The following MYO19 variants were observed in gnomAD, a reference collection of about 807,000 sequenced individuals.
The protein encoded by MYO19 is myosin XIX.
In MYO19, 132 loss-of-function variants were observed where a neutral mutation model predicts 129.2. The ratio of observed to expected loss-of-function variants is 1.02; its 90% CI spans 0.89 to 1.18. MYO19 has a LOEUF of 1.18. Ranked by LOEUF, MYO19 falls within the 50% of genes most tolerant of loss-of-function variation. The probability of loss-of-function intolerance (pLI) is 0.00; values close to 1 mark genes in which losing one functional copy is unlikely to be tolerated. For synonymous variants in MYO19, 531 were observed against 477.2 expected (o/e 1.11, Z -1.47); for missense variants, 1,210 against 1,216.7 (o/e 0.99, Z 0.08).
chr17:36,512,807 T>C, intron 11 of MYO19: 1 of 1,278,004 alleles, frequency 7.8e-7, no homozygotes, highest in Non-Finnish European at 1.0e-6. Context: ...TGAGAGGAGG[T>C]AGTCAGCTCT....
chr17:36,534,712 C>G (rs2142564381), intron 1 of MYO19, 49 bp downstream of exon 1: 1 of 152,428 alleles, frequency 6.6e-6, no homozygotes, highest in South Asian at 2.1e-4. Flanking sequence ...CCTCCCAAGC[C>G]CCTTCCGCGT....
At chr17:36,513,888 G>A (rs147448540) in intron 9 of MYO19, among the ~76,000 whole-genome samples, 163 bp from the exon 10 acceptor site, 4 of 152,348 alleles carry the variant, frequency 2.6e-5, no homozygotes, top group East Asian at 3.9e-4. Flanking sequence ...AAAAGATGCC[G>A]TAAACATAGC....
At chr17:36,520,110 G>A (rs1230480683) in intron 6 of MYO19, among the ~76,000 whole-genome samples, 1 of 151,954 alleles carries the variant, frequency 6.6e-6, no homozygotes, top group Non-Finnish European at 1.5e-5. Context: ...AAGTAGCTGG[G>A]ATTTCAGGCA....
chr17:36,519,461 C>G (rs74876899), intron 6 of MYO19, among the ~76,000 whole-genome samples: 1 of 151,950 alleles, frequency 6.6e-6, no homozygotes, highest in Non-Finnish European at 1.5e-5. Flanking sequence ...TTATATTTAT[C>G]GTAATTGTCA....
chr17:36,535,831 T>G (rs1332338769), upstream of MYO19, among the ~76,000 whole-genome samples: 1 of 151,682 alleles, frequency 6.6e-6, no homozygotes, highest in Non-Finnish European at 1.5e-5. Context: ...TTTTTCTTTT[T>G]TTTTTTTTCA....
At chr17:36,535,220 G>C (rs2142577887), upstream of MYO19, 1 of 152,180 alleles carries the variant, frequency 6.6e-6, no homozygotes, top group South Asian at 2.1e-4. Flanking sequence ...GTGCGGCGGA[G>C]TGTTGTGCGA....
chr17:36,536,524 C>CTTT (rs10715370), upstream of MYO19, among the ~76,000 whole-genome samples: 1,098 of 125,524 alleles, frequency 8.7e-3, 49 homozygotes, highest in East Asian at 0.023. Flanking sequence ...TTTTCTTTTC[C>CTTT]TTTTTTTTTT....
At chr17:36,501,313 T>A in intron 21 of MYO19, 78 bp from the exon 22 acceptor site, 1 of 1,427,564 alleles carries the variant, frequency 7.0e-7, no homozygotes, top group Non-Finnish European at 9.6e-7. Context: ...GGCTTTGGCC[T>A]CCCTAGCACT....
chr17:36,516,813 C>T (rs1045436054), intron 6 of MYO19, among the ~76,000 whole-genome samples: 7 of 152,232 alleles, frequency 4.6e-5, no homozygotes, highest in Admixed American at 6.5e-5. Flanking sequence ...CCTCACTAAA[C>T]GCTCTACAAC....
intron 6 of MYO19, among the ~76,000 whole-genome samples, chr17:36,523,138 G>A (rs951129958): frequency 2.1e-5 from 3 of 145,560 alleles, no homozygotes; most frequent in Non-Finnish European, 4.5e-5. Context: ...AGTGGGCTGA[G>A]ATTGTGCCAC....
chr17:36,537,611 AGTAGGTGGCTTTGTTTTTGG>A, upstream of MYO19: 3 of 1,614,052 alleles, frequency 1.9e-6, no homozygotes, highest in Non-Finnish European at 2.5e-6. Flanking sequence ...TGGATTTTGG[AGTAGGTGGCTTTGTTTTTGG>A]GTCTGCAATG....
At chr17:36,515,257 T>G in intron 7 of MYO19, 75 bp from the exon 8 acceptor site, 2 of 1,377,042 alleles carry the variant, frequency 1.5e-6, no homozygotes, top group Non-Finnish European at 1.0e-6. Context: ...GCTGCAGGTC[T>G]CTGGAGGTCA....
chr17:36,539,586 A>C (rs1446068656), upstream of MYO19, among the ~76,000 whole-genome samples: 1 of 146,682 alleles, frequency 6.8e-6, no homozygotes, highest in Non-Finnish European at 1.5e-5. Flanking sequence ...CCATCCTGGG[A>C]AACAGTGAGA....
chr17:36,502,221 CCTCT>C (rs1044893951), intron 21 of MYO19, among the ~76,000 whole-genome samples: 13 of 152,298 alleles, frequency 8.5e-5, no homozygotes, highest in African/African-American at 3.1e-4. Flanking sequence ...GCTCCCACAG[CCTCT>C]CTTTTATCTG....
chr17:36,510,792 CGGCTCGGGCG>C lies in MYO19; in HGVS notation c.1101_1110del (p.Cys367TrpfsTer13). On this transcript the variant is annotated frameshift_variant, in exon 13 of 26. Coordinates refer to ENST00000614623, the MANE Select transcript of MYO19 (RefSeq NM_001163735.2). LOFTEE classifies it high-confidence loss of function. ...AGGCAGTCTCTACGGGTGTCACACT[CGGCTCGGGCG>C]CAGGGCTTCCGGAACACCTGCTGCT... 1 of 1,604,868 alleles carries C rather than the reference CGGCTCGGGCG, an allele frequency of 6.2e-7. No individual in the cohort carries two copies.
At chr17:36,538,562 C>A, upstream of MYO19, 1 of 1,613,602 alleles carries the variant, frequency 6.2e-7, no homozygotes, top group African/African-American at 1.3e-5. Context: ...TGTTTTCCAA[C>A]TGTTTAATTG....
At position 36,507,790 on chromosome 17, in the gene MYO19, C is replaced by A. The variant is rs1445993808; in HGVS notation, c.1353+13G>T. 6.2e-7 allele frequency: 1 copy of A among 1,600,252 alleles called. No homozygotes were observed. On this transcript the variant is annotated intron_variant, in intron 15 of 25. Transcript: ENST00000614623. ...AAAAGAAGGACCTGCCTCCTGCTCA[C>A]CCCATCCCTCACCTGCTGGGCCCTT...
chr17:36,534,471 C>T (rs987078930), intron 1 of MYO19, among the ~76,000 whole-genome samples: 1 of 152,130 alleles, frequency 6.6e-6, no homozygotes, highest in South Asian at 2.1e-4. Flanking sequence ...GGGTCCTCAG[C>T]TGGGCGAAGA....
chr17:36,504,279 T>C, intron 19 of MYO19: 1 of 469,490 alleles, frequency 2.1e-6, no homozygotes, highest in South Asian at 3.7e-5. Flanking sequence ...AAGCAAGTGA[T>C]GTCCTGGCTC....
Sources: allele counts gnomAD v4.1 joint callset (sites outside exome capture counted in the v4.1 genomes callset), GRCh38; gene constraint gnomAD v4.1.1; transcripts MANE v1.5; gene names NCBI Gene and HGNC (gene_info 2026-07-23, HGNC 2026-07-21).